Variants in GPR158 observed in about 807,000 individuals in gnomAD.
GPR158 encodes metabotropic glycine receptor.
GPR158 carries 30 observed loss-of-function variants against 78.2 expected under a neutral mutation model. The observed-to-expected ratio is 0.38, with a 90% CI of 0.29 to 0.52. The LOEUF (loss-of-function observed/expected upper bound fraction) is 0.52. Among genes scored for constraint, GPR158 ranks in the 20% least tolerant of loss-of-function variants. The pLI, the probability that GPR158 is intolerant of heterozygous loss-of-function variation, is 0.83. For synonymous variants in GPR158, 581 were observed against 591.1 expected, an observed-to-expected ratio of 0.98 and a Z score of 0.25; for missense variants, 1,463 against 1,523.5, an observed-to-expected ratio of 0.96 and a Z score of 0.66.
intron 2 of GPR158, among the ~76,000 whole-genome samples, chr10:25,306,364 G>A (rs1854676324): frequency 6.6e-6 from 1 of 152,034 alleles, no homozygotes; most frequent in Admixed American, 6.6e-5. Flanking sequence ...TAGTCTCCCT[G>A]CCTTCGTGCA....
rs527461276 is a variant in GPR158, at chr10:25,423,194, T to TAC, written c.1335+10732_1335+10733dup. ...GTATATATGTATATACACACATATA[T>TAC]ACACACACACACCACATTTTCTTTA... On this transcript the variant is annotated intron_variant, in intron 4 of 10. Coordinates refer to ENST00000376351, the MANE Select transcript of GPR158 (RefSeq NM_020752.3). Among the ~76,000 whole-genome samples, 7 of 150,432 alleles carry TAC rather than the reference T, an allele frequency of 4.7e-5. No homozygotes were observed. The South Asian group carries it at 6.3e-4, about 13-fold the overall frequency.
rs562771295 is a variant in GPR158, at chr10:25,352,404, C to A, written c.1009-43507C>A. 5.9e-5 allele frequency among the ~76,000 whole-genome samples: 9 copies of A among 152,116 alleles called. No individual in the cohort carries two copies. In the South Asian group the frequency reaches 6.2e-4, roughly 11 times the overall value. On this transcript the variant is annotated intron_variant, in intron 2 of 10. Coordinates refer to ENST00000376351, the MANE Select transcript of GPR158 (RefSeq NM_020752.3). The stretch of plus-strand genomic sequence containing the variant: ...CAGAGAAATAAATTTATGCAAAATT[C>A]TAAGATATTTCTTGGCATTCATCCT...
chr10:25,539,347 T>C (rs146789647), intron 5 of GPR158, among the ~76,000 whole-genome samples: 10 of 152,134 alleles, frequency 6.6e-5, no homozygotes, highest in African/African-American at 2.4e-4. Flanking sequence ...TCTTTCCTTG[T>C]TATGTGTGGG....
rs547444130 is a variant in GPR158, at chr10:25,209,442, G to C, written c.903-11610G>C. Among the ~76,000 whole-genome samples, 638 of 145,814 alleles carry C rather than the reference G, an allele frequency of 4.4e-3. 5 individuals carry two copies. The highest frequency in any genetic ancestry group is 0.015 in the African/African-American group (558 of 38,076). On this transcript the variant is annotated intron_variant, in intron 1 of 10. Coordinates refer to ENST00000376351, the MANE Select transcript of GPR158 (RefSeq NM_020752.3). Reference sequence around the variant, plus strand: ...TTTTGAGTAAATGAATGAGTAAATTGTATCTTTACTTCTGTTTTTTTTTTT... The same window carrying C: ...TTTTGAGTAAATGAATGAGTAAATTCTATCTTTACTTCTGTTTTTTTTTTT...
At chr10:25,403,581 T>G (rs561376832) in intron 3 of GPR158, among the ~76,000 whole-genome samples, 1 of 152,198 alleles carries the variant, frequency 6.6e-6, no homozygotes, top group East Asian at 1.9e-4. Context: ...TGGCATTCTG[T>G]GCATGGAGGA....
intron 1 of GPR158, among the ~76,000 whole-genome samples, chr10:25,188,784 G>A (rs916071289): frequency 6.6e-6 from 1 of 152,114 alleles, no homozygotes; most frequent in Non-Finnish European, 1.5e-5. Flanking sequence ...TTGACAAATG[G>A]GATCTAATTA....
chr10:25,416,188 T>A (rs1382665301), intron 4 of GPR158, among the ~76,000 whole-genome samples: 1 of 152,150 alleles, frequency 6.6e-6, no homozygotes, highest in Non-Finnish European at 1.5e-5. Flanking sequence ...TCACAATTCA[T>A]GTATGCTTCC....
chr10:25,281,142 A>C (rs1186356668), intron 2 of GPR158, among the ~76,000 whole-genome samples: 1 of 151,466 alleles, frequency 6.6e-6, no homozygotes, highest in East Asian at 1.9e-4. Flanking sequence ...TCTCAAAAAA[A>C]AAAAAAAAAA....
At chr10:25,282,114 G>A (rs1302110770) in intron 2 of GPR158, among the ~76,000 whole-genome samples, 1 of 152,050 alleles carries the variant, frequency 6.6e-6, no homozygotes, top group Non-Finnish European at 1.5e-5. Context: ...TCTTTGTGAT[G>A]CCCCTTTAAA....
chr10:25,579,313 G>A (rs986528542), intron 7 of GPR158, among the ~76,000 whole-genome samples: 1 of 152,148 alleles, frequency 6.6e-6, no homozygotes, highest in African/African-American at 2.4e-5. Context: ...TGACAAGTAA[G>A]TAGAATTGAC....
intron 8 of GPR158, among the ~76,000 whole-genome samples, chr10:25,589,579 A>C (rs1326533721): frequency 6.6e-6 from 1 of 152,238 alleles, no homozygotes; most frequent in East Asian, 1.9e-4. Context: ...ACTTGTATGT[A>C]TGAATTCTGT....
At chr10:25,294,238 C>CT (rs932584296) in intron 2 of GPR158, among the ~76,000 whole-genome samples, 156 of 151,658 alleles carry the variant, frequency 1.0e-3, no homozygotes, top group African/African-American at 3.3e-3. Flanking sequence ...AATAAAACAT[C>CT]TTTTTTTTTC....
intron 2 of GPR158, among the ~76,000 whole-genome samples, chr10:25,283,005 A>G (rs1222475982): frequency 6.6e-6 from 1 of 152,128 alleles, no homozygotes; most frequent in African/African-American, 2.4e-5. Flanking sequence ...TTGACATCAC[A>G]ATAATGCTGA....
At chr10:25,231,506 A>G (rs898181933) in intron 2 of GPR158, among the ~76,000 whole-genome samples, 5 of 152,126 alleles carry the variant, frequency 3.3e-5, no homozygotes, top group Non-Finnish European at 5.9e-5. Context: ...ATGTCACTGG[A>G]TTGTGTCCCC....
intron 2 of GPR158, among the ~76,000 whole-genome samples, chr10:25,352,999 T>C (rs1258844771): frequency 6.6e-6 from 1 of 152,054 alleles, no homozygotes; most frequent in Non-Finnish European, 1.5e-5. Context: ...AGTAGTTATT[T>C]CTAAGATTAT....
At chr10:25,399,019 A>C (rs1277108053) in intron 3 of GPR158, among the ~76,000 whole-genome samples, 2 of 152,220 alleles carry the variant, frequency 1.3e-5, no homozygotes, top group African/African-American at 4.8e-5. Flanking sequence ...ATGAAGAAAT[A>C]GTCAAGACTG....
chr10:25,436,878 G>C (rs190482335), intron 4 of GPR158, among the ~76,000 whole-genome samples: 2 of 152,286 alleles, frequency 1.3e-5, no homozygotes, highest in Admixed American at 6.5e-5. Flanking sequence ...AAGGAAAGAA[G>C]ACATTTGAAA....
chr10:25,448,389 C>G (rs967442046), intron 4 of GPR158, among the ~76,000 whole-genome samples: 1 of 152,126 alleles, frequency 6.6e-6, no homozygotes, highest in African/African-American at 2.4e-5. Flanking sequence ...CACGGCTGGC[C>G]GTATCTGACT....
chr10:25,300,630 C>T lies in GPR158; in HGVS notation c.1008+79473C>T, dbSNP rs547148258. Among the ~76,000 whole-genome samples the T allele has an allele frequency of 2.6e-5, 4 of 152,124 alleles. No homozygotes were observed. The East Asian group carries it at 5.8e-4, about 22-fold the overall frequency. On this transcript the variant is annotated intron_variant, in intron 2 of 10. Transcript: ENST00000376351. Reference sequence around the variant, plus strand: ...GTATGAATAAACTGAGAAAATATTGCCTGCTAGAGGTCGTCACGAAACTTG... The same window carrying T: ...GTATGAATAAACTGAGAAAATATTGTCTGCTAGAGGTCGTCACGAAACTTG...
Sources: gnomAD v4.1 joint callset for allele counts (sites outside exome capture counted in the v4.1 genomes callset) on GRCh38, gnomAD v4.1.1 for gene constraint, MANE v1.5 for transcripts, NCBI Gene and HGNC (gene_info 2026-07-23, HGNC 2026-07-21) for gene names.